The following PRKN variants were observed in gnomAD, a reference collection of about 807,000 sequenced individuals.
PRKN encodes the protein parkin RBR E3 ubiquitin protein ligase.
A neutral mutation model predicts 59.5 loss-of-function variants in PRKN; 56 were observed. The ratio of observed to expected loss-of-function variants is 0.94; its 90% CI spans 0.76 to 1.18. The LOEUF (loss-of-function observed/expected upper bound fraction) is 1.18, where lower values mean the gene tolerates loss of function less well. PRKN is among the 50% of genes most tolerant of loss of function. PRKN has a pLI of 0.00. For missense variants in PRKN, 657 were observed against 596.4 expected (o/e 1.10, Z -1.06); for synonymous variants, 250 against 222.1 (o/e 1.13, Z -1.12).
intron 1 of PRKN, among the ~76,000 whole-genome samples, chr6:162,540,684 G>A (rs1305802348): frequency 6.6e-6 from 1 of 151,580 alleles, no homozygotes; most frequent in East Asian, 2.0e-4. Context: ...GTGGGTGCCT[G>A]TAATCCCAGC....
intron 3 of PRKN, among the ~76,000 whole-genome samples, chr6:162,226,636 C>G (rs1225211682): frequency 6.6e-6 from 1 of 152,146 alleles, no homozygotes; most frequent in Non-Finnish European, 1.5e-5. Flanking sequence ...TGGGTTCAAG[C>G]GATTCTCCTG....
intron 10 of PRKN, among the ~76,000 whole-genome samples, chr6:161,380,472 C>CCTGGGCTG (rs957241086): frequency 4.6e-5 from 6 of 129,394 alleles, no homozygotes; most frequent in Non-Finnish European, 7.8e-5. Flanking sequence ...TGCACTGTTG[C>CCTGGGCTG]CTGGGCTGGA....
At chr6:161,682,089 G>A (rs750734115) in intron 7 of PRKN, among the ~76,000 whole-genome samples, 3 of 152,222 alleles carry the variant, frequency 2.0e-5, no homozygotes, top group Non-Finnish European at 4.4e-5. Context: ...AAGGACCAGC[G>A]CTCTGCACGC....
At chr6:162,366,826 G>A (rs558079208) in intron 2 of PRKN, among the ~76,000 whole-genome samples, 1 of 152,144 alleles carries the variant, frequency 6.6e-6, no homozygotes, top group Non-Finnish European at 1.5e-5. Flanking sequence ...TTGAACCCGG[G>A]AGGTGGAGGT....
chr6:161,832,341 C>T (rs1792534561), intron 6 of PRKN, among the ~76,000 whole-genome samples: 1 of 151,980 alleles, frequency 6.6e-6, no homozygotes, highest in African/African-American at 2.4e-5. Flanking sequence ...ACATCAATAT[C>T]GGCCGGGTGG....
intron 1 of PRKN, among the ~76,000 whole-genome samples, chr6:162,507,395 A>C (rs1194409594): frequency 6.6e-6 from 1 of 152,118 alleles, no homozygotes. Flanking sequence ...GACAATCAAG[A>C]GTTCTTCCTG....
chr6:162,076,571 C>G (rs1400306048), intron 4 of PRKN, among the ~76,000 whole-genome samples: 1 of 152,040 alleles, frequency 6.6e-6, no homozygotes, highest in Non-Finnish European at 1.5e-5. Flanking sequence ...ATGATCTAAT[C>G]AGAGAGAAGA....
chr6:162,333,340 T>C (rs1278969905), intron 2 of PRKN, among the ~76,000 whole-genome samples: 3 of 152,068 alleles, frequency 2.0e-5, no homozygotes, highest in African/African-American at 7.2e-5. Flanking sequence ...AGATACTGCA[T>C]TTTTTAACAA....
intron 7 of PRKN, among the ~76,000 whole-genome samples, chr6:161,714,347 C>T (rs150336756): frequency 9.9e-5 from 15 of 152,234 alleles, no homozygotes; most frequent in South Asian, 8.3e-4. Context: ...GATTAGGCCA[C>T]GAGGGCTCCT....
chr6:162,560,645 C>CACT (rs1341985137), intron 1 of PRKN, among the ~76,000 whole-genome samples: 1 of 151,962 alleles, frequency 6.6e-6, no homozygotes, highest in Non-Finnish European at 1.5e-5. Context: ...CATTAAAATG[C>CACT]ACTACCCTAA....
At chr6:162,177,074 T>C (rs1012849451) in intron 4 of PRKN, among the ~76,000 whole-genome samples, 4 of 152,070 alleles carry the variant, frequency 2.6e-5, no homozygotes, top group Admixed American at 2.6e-4. Flanking sequence ...TAAATATGTA[T>C]ACCCCTATTC....
chr6:161,373,504 C>T lies in PRKN; in HGVS notation c.1167+13290G>A, dbSNP rs888280722. 1.3e-5 allele frequency among the ~76,000 whole-genome samples: 2 copies of T among 152,154 alleles called. No individual in the cohort carries two copies. The highest frequency in any genetic ancestry group is 2.9e-5 in the Non-Finnish European group (2 of 68,032). On this transcript the variant is annotated intron_variant, in intron 10 of 11. Coordinates refer to ENST00000366898, the MANE Select transcript of PRKN (RefSeq NM_004562.3). This position sits in a 1 kb window ranked among gnomAD's most constrained non-coding sequence, Gnocchi z 4.8. ...AGTGCTGAGCCTAAATGGGCTATGCCTCTGTGCTTACAGGGGTGCTGAGTT... is the reference window on the plus strand; with the variant it reads ...AGTGCTGAGCCTAAATGGGCTATGCTTCTGTGCTTACAGGGGTGCTGAGTT...
intron 7 of PRKN, among the ~76,000 whole-genome samples, chr6:161,628,128 A>G (rs933162783): frequency 6.6e-6 from 1 of 152,184 alleles, no homozygotes; most frequent in African/African-American, 2.4e-5. Context: ...TTCTTATTCT[A>G]TAGAAAAACT....
chr6:162,511,625 T>C (rs1777622727), intron 1 of PRKN, among the ~76,000 whole-genome samples: 1 of 152,138 alleles, frequency 6.6e-6, no homozygotes, highest in East Asian at 1.9e-4. Flanking sequence ...AATACATGTA[T>C]ACGACTAAAG....
intron 6 of PRKN, among the ~76,000 whole-genome samples, chr6:161,836,468 A>G (rs1792761416): frequency 6.6e-6 from 1 of 152,198 alleles, no homozygotes; most frequent in Non-Finnish European, 1.5e-5. Flanking sequence ...TTTCAATTTT[A>G]TCACCTCATA....
chr6:161,488,662 T>TGG lies in PRKN; in HGVS notation c.1083+60191_1083+60192insCC, dbSNP rs939744233. ...CACCACACCTGGCTAATTTTTAAAA[T>TGG]TTTTTGTAGAGGTGGGGTCTCACTA... On this transcript the variant is annotated intron_variant, in intron 9 of 11. Coordinates refer to ENST00000366898, the MANE Select transcript of PRKN (RefSeq NM_004562.3). This position sits in a 1 kb window ranked among gnomAD's most constrained non-coding sequence, Gnocchi z 4.5. Among the ~76,000 whole-genome samples the TGG allele has an allele frequency of 1.3e-5, 2 of 152,086 alleles. No homozygotes were observed. The highest frequency in any genetic ancestry group is 2.4e-5 in the African/African-American group (1 of 41,412).
In PRKN at chr6:161,410,981, G is replaced by A. The variant is rs191520649; in HGVS notation, c.1084-24104C>T. Reference sequence around the variant, plus strand: ...AACCGGTTTCCTCAGGTGGAAGGAAGGCAGTTGACTCATCCTGCTTCCCTG... The same window carrying A: ...AACCGGTTTCCTCAGGTGGAAGGAAAGCAGTTGACTCATCCTGCTTCCCTG... On this transcript the variant is annotated intron_variant, in intron 9 of 11. Coordinates refer to ENST00000366898, the MANE Select transcript of PRKN (RefSeq NM_004562.3). This position sits in a 1 kb window ranked among gnomAD's most constrained non-coding sequence, Gnocchi z 5.3. 1.3e-5 allele frequency among the ~76,000 whole-genome samples: 2 copies of A among 152,274 alleles called. No homozygotes were observed. The highest frequency in any genetic ancestry group is 1.3e-4 in the Admixed American group (2 of 15,298).
At chr6:162,374,957 T>A (rs912684097) in intron 2 of PRKN, among the ~76,000 whole-genome samples, 2 of 152,156 alleles carry the variant, frequency 1.3e-5, no homozygotes, top group African/African-American at 4.8e-5. Flanking sequence ...TTTATAATTT[T>A]TATGTATAAC....
intron 4 of PRKN, among the ~76,000 whole-genome samples, chr6:162,161,040 A>G (rs771885644): frequency 1.3e-5 from 2 of 152,118 alleles, no homozygotes. Context: ...GCTCTGGACC[A>G]CCACCACCCC....
Sources: gnomAD v4.1 joint callset for allele counts (sites outside exome capture counted in the v4.1 genomes callset) on GRCh38, gnomAD v4.1.1 for gene constraint, Gnocchi (gnomAD v3.1) non-coding constraint, MANE v1.5 for transcripts, NCBI Gene and HGNC (gene_info 2026-07-23, HGNC 2026-07-21) for gene names.